Variants in SHISA9 observed in about 807,000 individuals in gnomAD.
SHISA9 encodes protein shisa-9.
SHISA9 carries 13 observed loss-of-function variants against 38.0 expected under a neutral mutation model. The observed-to-expected ratio is 0.34, with a 90% CI of 0.22 to 0.54. The LOEUF (loss-of-function observed/expected upper bound fraction) is 0.54, where lower values mean the gene tolerates loss of function less well. SHISA9 is among the 20% of genes least tolerant of loss of function. SHISA9 has a pLI of 0.91. For synonymous variants in SHISA9, 275 were observed against 242.0 expected, an observed-to-expected ratio of 1.14 and a Z score of -1.27; for missense variants, 538 against 575.8, an observed-to-expected ratio of 0.93 and a Z score of 0.67.
the SHISA9 span, among the ~76,000 whole-genome samples, chr16:13,462,010 C>A: frequency 0.011 from 1,687 of 152,164 alleles, 37 homozygotes; most frequent in African/African-American, 0.039. Context: ...TCTTATTAAT[C>A]TATTCATGTA....
the SHISA9 span, among the ~76,000 whole-genome samples, chr16:13,266,842 G>A: frequency 4.6e-5 from 7 of 152,224 alleles, no homozygotes; most frequent in Admixed American, 1.3e-4. Flanking sequence ...GACAACAAGC[G>A]GTGGGGAAGG....
intron 2 of SHISA9, among the ~76,000 whole-genome samples, chr16:12,919,230 G>T (rs938010890): frequency 9.9e-5 from 15 of 152,258 alleles, no homozygotes; most frequent in African/African-American, 3.1e-4. Flanking sequence ...AATTAGACCA[G>T]CCCTTTGTGC....
chr16:13,255,581 A>C, the SHISA9 span, among the ~76,000 whole-genome samples: 1 of 152,208 alleles, frequency 6.6e-6, no homozygotes, highest in Non-Finnish European at 1.5e-5. Context: ...CTGATTCCAA[A>C]GCTTGTGATG....
At chr16:12,978,999 T>A (rs190325245) in intron 2 of SHISA9, among the ~76,000 whole-genome samples, 14 of 152,344 alleles carry the variant, frequency 9.2e-5, no homozygotes, top group African/African-American at 3.1e-4. Flanking sequence ...ATGATCTGTT[T>A]TTGGGATCCC....
chr16:13,158,520 G>C (rs532916999), intron 2 of SHISA9, among the ~76,000 whole-genome samples: 30 of 152,252 alleles, frequency 2.0e-4, no homozygotes, highest in African/African-American at 5.5e-4. Context: ...GGATATTGCC[G>C]CAGTGTTACT....
the SHISA9 span, among the ~76,000 whole-genome samples, chr16:13,311,765 C>A: frequency 3.9e-5 from 6 of 152,046 alleles, no homozygotes; most frequent in Non-Finnish European, 2.9e-5. Flanking sequence ...GAACACAGAC[C>A]CTGAATTTCC....
At chr16:13,128,224 A>C (rs1224479382) in intron 2 of SHISA9, among the ~76,000 whole-genome samples, 2 of 152,154 alleles carry the variant, frequency 1.3e-5, no homozygotes, top group Non-Finnish European at 2.9e-5. Flanking sequence ...GGGTGAAGGA[A>C]AGGAAGGGAA....
intron 2 of SHISA9, among the ~76,000 whole-genome samples, chr16:13,081,361 C>T (rs276602): frequency 0.062 from 9,373 of 152,232 alleles, 963 homozygotes; most frequent in African/African-American, 0.21. Flanking sequence ...AACTTTATAG[C>T]ACTCTTTATC....
chr16:13,438,178 ATACCATT>A, the SHISA9 span, among the ~76,000 whole-genome samples: 3 of 152,148 alleles, frequency 2.0e-5, no homozygotes, highest in Admixed American at 2.0e-4. Flanking sequence ...AGCACTTTTT[ATACCATT>A]TCAATAACTG....
chr16:13,210,449 TAA>T (rs140200604), intron 3 of SHISA9, among the ~76,000 whole-genome samples: 1 of 151,918 alleles, frequency 6.6e-6, no homozygotes, highest in African/African-American at 2.4e-5. Flanking sequence ...TTAATTTTAT[TAA>T]AAAAAAATTG....
chr16:13,014,085 C>G (rs1028886852), intron 2 of SHISA9, among the ~76,000 whole-genome samples: 2 of 152,184 alleles, frequency 1.3e-5, no homozygotes, highest in African/African-American at 4.8e-5. Context: ...AGGAGGTGCA[C>G]CTGCCTCATA....
the SHISA9 span, among the ~76,000 whole-genome samples, chr16:13,410,515 G>A: frequency 2.5e-4 from 38 of 152,150 alleles, no homozygotes; most frequent in Non-Finnish European, 4.9e-4. Flanking sequence ...ATTTTGGGTG[G>A]CTTAACAGAT....
chr16:13,037,039 A>G lies in SHISA9; in HGVS notation c.691+120224A>G, dbSNP rs557921371. Among the ~76,000 whole-genome samples the G allele has an allele frequency of 3.4e-5, 5 of 149,056 alleles. No individual in the cohort carries two copies. The South Asian group carries it at 1.1e-3, about 32-fold the overall frequency. ...TGTTCTCAATGTAATTTTGTAAGTA[A>G]AAGGAAAGCAGGGAATGATCACACA... On this transcript the variant is annotated intron_variant, in intron 2 of 4. Coordinates refer to ENST00000558583, the MANE Select transcript of SHISA9 (RefSeq NM_001145204.3).
At chr16:13,535,801 C>A in the SHISA9 span, among the ~76,000 whole-genome samples, 3 of 152,306 alleles carry the variant, frequency 2.0e-5, no homozygotes, top group South Asian at 2.1e-4. Flanking sequence ...CTCTCTTAAT[C>A]AAATAGCTCT....
At chr16:13,516,797 C>CCA in the SHISA9 span, among the ~76,000 whole-genome samples, 17 of 144,370 alleles carry the variant, frequency 1.2e-4, no homozygotes, top group East Asian at 3.1e-3. Flanking sequence ...GATTCCATCC[C>CCA]AAAAAAAAAA....
At chr16:13,432,394 T>G in the SHISA9 span, among the ~76,000 whole-genome samples, 1 of 152,176 alleles carries the variant, frequency 6.6e-6, no homozygotes, top group Non-Finnish European at 1.5e-5. Context: ...AAATGACTTA[T>G]GGTGATGCGT....
chr16:13,069,550 G>A (rs920804713), intron 2 of SHISA9, among the ~76,000 whole-genome samples: 25 of 151,994 alleles, frequency 1.6e-4, no homozygotes, highest in African/African-American at 5.5e-4. Flanking sequence ...TGTGTAGGGT[G>A]TATGTATATA....
the SHISA9 span, among the ~76,000 whole-genome samples, chr16:13,267,095 T>A: frequency 1.3e-5 from 2 of 152,136 alleles, no homozygotes; most frequent in East Asian, 1.9e-4. Flanking sequence ...ATTGTATTTT[T>A]AAAAATGTCT....
chr16:13,213,501 G>C (rs1011436454), intron 4 of SHISA9, among the ~76,000 whole-genome samples: 1 of 152,092 alleles, frequency 6.6e-6, no homozygotes, highest in Non-Finnish European at 1.5e-5. Context: ...GCAATTGTTG[G>C]ACAACGTGGT....
Sources: gnomAD v4.1 joint callset for allele counts (sites outside exome capture counted in the v4.1 genomes callset) on GRCh38, gnomAD v4.1.1 for gene constraint, MANE v1.5 for transcripts, NCBI Gene and HGNC (gene_info 2026-07-23, HGNC 2026-07-21) for gene names.